The following DNAH7 variants were observed in gnomAD, a reference collection of about 807,000 sequenced individuals.
DNAH7 encodes the protein axonemal beta dynein heavy chain 7.
A neutral mutation model predicts 444.6 loss-of-function variants in DNAH7; 397 were observed. That is an observed-to-expected ratio of 0.89 (90% confidence interval 0.82 to 0.97). The LOEUF (loss-of-function observed/expected upper bound fraction) is 0.97. Ranked by LOEUF, DNAH7 falls within the 50% of genes least tolerant of loss-of-function variation. The pLI is 0.00. For missense variants in DNAH7, 4,902 were observed against 4,800.8 expected (o/e 1.02, Z -0.62); for synonymous variants, 1,636 against 1,624.4 (o/e 1.01, Z -0.17).
At chr2:196,016,939 A>T (rs1302368784) in intron 9 of DNAH7, among the ~76,000 whole-genome samples, 2 of 152,220 alleles carry the variant, frequency 1.3e-5, no homozygotes, top group Non-Finnish European at 1.5e-5. Context: ...TTACTGAAAT[A>T]TATACACGAG....
chr2:195,921,256 C>G (rs561221806), intron 24 of DNAH7, among the ~76,000 whole-genome samples: 3 of 152,196 alleles, frequency 2.0e-5, no homozygotes, highest in African/African-American at 7.2e-5. Context: ...AAGACACTTG[C>G]ACACAAATGT....
At chr2:195,772,683 G>A (rs1694894641) in intron 60 of DNAH7, among the ~76,000 whole-genome samples, 1 of 151,422 alleles carries the variant, frequency 6.6e-6, no homozygotes, top group South Asian at 2.1e-4. Context: ...CCTGGTTTCT[G>A]TACTATAAAT....
At position 195,824,708 on chromosome 2, in the gene DNAH7, T is replaced by C. The variant is rs559080780; in HGVS notation, c.9101-263A>G. On this transcript the variant is annotated intron_variant, in intron 48 of 64. Transcript: ENST00000312428. ...AGTCATAGTCCTGCTGGGTGCATGC[T>C]GCCTGGCCTGGGGTTCACCAGGCGC... Among the ~76,000 whole-genome samples, 57 of 152,296 alleles carry C rather than the reference T, an allele frequency of 3.7e-4. 1 individual carries two copies. In the South Asian group the frequency reaches 0.012, roughly 31 times the overall value.
At chr2:195,789,005 A>G (rs1695751199) in intron 57 of DNAH7, among the ~76,000 whole-genome samples, 1 of 152,150 alleles carries the variant, frequency 6.6e-6, no homozygotes. Context: ...CTCCTCTAAC[A>G]CCCAAACCAT....
At chr2:195,946,285 A>G (rs922435108) in intron 19 of DNAH7, among the ~76,000 whole-genome samples, 7 of 152,222 alleles carry the variant, frequency 4.6e-5, no homozygotes, top group African/African-American at 1.7e-4. Context: ...ATGAAATTAA[A>G]GGCTGAAGAT....
intron 58 of DNAH7, among the ~76,000 whole-genome samples, chr2:195,783,387 G>A (rs1284558611): frequency 6.6e-6 from 1 of 152,128 alleles, no homozygotes; most frequent in Non-Finnish European, 1.5e-5. Flanking sequence ...TCAAGGGACT[G>A]GCAGGCCACA....
chr2:195,954,847 T>C (rs1167394728), intron 19 of DNAH7, among the ~76,000 whole-genome samples: 3 of 152,212 alleles, frequency 2.0e-5, no homozygotes, highest in African/African-American at 4.8e-5. Context: ...TGTCTGTTCA[T>C]ATCCTTCACC....
At chr2:195,761,273 CT>C (rs1173982395) in intron 61 of DNAH7, among the ~76,000 whole-genome samples, 1 of 151,730 alleles carries the variant, frequency 6.6e-6, no homozygotes, top group Non-Finnish European at 1.5e-5. Context: ...AGAAGACAGG[CT>C]ATTTGAAAAT....
At chr2:195,941,646 T>C (rs1397260646) in intron 19 of DNAH7, among the ~76,000 whole-genome samples, 1 of 152,120 alleles carries the variant, frequency 6.6e-6, no homozygotes, top group African/African-American at 2.4e-5. Flanking sequence ...CAAGCCTGCC[T>C]GGTAAATTTC....
chr2:195,888,038 A>G (rs1283320421), intron 33 of DNAH7, among the ~76,000 whole-genome samples: 1 of 152,128 alleles, frequency 6.6e-6, no homozygotes, highest in Non-Finnish European at 1.5e-5. Context: ...CGGGCCTTTG[A>G]GTTCTCTTTT....
intron 47 of DNAH7, among the ~76,000 whole-genome samples, chr2:195,837,976 A>C (rs183485711): frequency 6.6e-6 from 1 of 152,170 alleles, no homozygotes; most frequent in African/African-American, 2.4e-5. Flanking sequence ...TGGGATATGG[A>C]AAGTGGGGCA....
intron 44 of DNAH7, among the ~76,000 whole-genome samples, 197 bp from the exon 45 acceptor site, chr2:195,856,188 TTAAAA>T (rs1312979506): frequency 6.6e-6 from 1 of 152,328 alleles, no homozygotes; most frequent in African/African-American, 2.4e-5. Flanking sequence ...TGGCCTTTTA[TTAAAA>T]TAGACATCAA....
chr2:195,747,788 C>A (rs1574361140), intron 63 of DNAH7, among the ~76,000 whole-genome samples: 2 of 152,148 alleles, frequency 1.3e-5, no homozygotes, highest in South Asian at 2.1e-4. Flanking sequence ...TTCAACAACC[C>A]TTCATGCTAA....
At chr2:195,866,398 CCTT>C (rs1559162351) in intron 40 of DNAH7, among the ~76,000 whole-genome samples, 2 of 151,696 alleles carry the variant, frequency 1.3e-5, no homozygotes, top group African/African-American at 4.8e-5. Flanking sequence ...ATTTAAACTT[CCTT>C]CTTATTCCAA....
chr2:195,809,048 T>C (rs1327790522), intron 52 of DNAH7, among the ~76,000 whole-genome samples, 172 bp from the exon 53 acceptor site: 1 of 152,220 alleles, frequency 6.6e-6, no homozygotes, highest in Non-Finnish European at 1.5e-5. Context: ...ACCAGTATAC[T>C]CATGATAACC....
chr2:196,039,447 G>T (rs1696593076), intron 5 of DNAH7, among the ~76,000 whole-genome samples: 1 of 152,006 alleles, frequency 6.6e-6, no homozygotes, highest in Non-Finnish European at 1.5e-5. Context: ...AGAAAAGCAA[G>T]AACAAATCAA....
chr2:195,800,477 T>C (rs1696391458), intron 54 of DNAH7, among the ~76,000 whole-genome samples: 1 of 152,182 alleles, frequency 6.6e-6, no homozygotes. Flanking sequence ...TGGTTGTCTT[T>C]TATGCAAAAA....
intron 22 of DNAH7, 53 bp from the exon 23 acceptor site, chr2:195,923,860 GAACAA>G: frequency 6.7e-7 from 1 of 1,501,412 alleles, no homozygotes; most frequent in Non-Finnish European, 9.2e-7. Flanking sequence ...AAATTATTTT[GAACAA>G]AACATTCTGA....
intron 19 of DNAH7, among the ~76,000 whole-genome samples, chr2:195,947,569 T>C (rs925045640): frequency 6.6e-6 from 1 of 152,162 alleles, no homozygotes; most frequent in African/African-American, 2.4e-5. Flanking sequence ...CTGTGTTAGT[T>C]TGCTGAAAAT....
Sources: gnomAD v4.1 joint callset for allele counts (sites outside exome capture counted in the v4.1 genomes callset) on GRCh38, gnomAD v4.1.1 for gene constraint, MANE v1.5 for transcripts, NCBI Gene and HGNC (gene_info 2026-07-23, HGNC 2026-07-21) for gene names.